Variants in PHLPP1 observed in about 807,000 individuals in gnomAD.
The protein encoded by PHLPP1 is PH domain leucine-rich repeat-containing protein phosphatase 1.
A neutral mutation model predicts 117.2 loss-of-function variants in PHLPP1; 42 were observed. The observed-to-expected ratio is 0.36, with a 90% CI of 0.28 to 0.46. PHLPP1 has a LOEUF of 0.46. Among genes scored for constraint, PHLPP1 ranks in the 20% least tolerant of loss-of-function variants. The pLI, the probability that PHLPP1 is intolerant of heterozygous loss-of-function variation, is 1.00. For missense variants in PHLPP1, 2,084 were observed against 2,241.9 expected (o/e 0.93, Z 1.42); for synonymous variants, 1,042 against 970.7 (o/e 1.07, Z -1.37).
intron 1 of PHLPP1, among the ~76,000 whole-genome samples, chr18:62,800,161 C>A (rs572610655): frequency 6.6e-6 from 1 of 152,198 alleles, no homozygotes; most frequent in African/African-American, 2.4e-5. Context: ...GAATAGATAC[C>A]CTTGACCACA....
At chr18:62,861,296 GT>G (rs771539543) in intron 4 of PHLPP1, among the ~76,000 whole-genome samples, 4 of 152,122 alleles carry the variant, frequency 2.6e-5, no homozygotes, top group Non-Finnish European at 4.4e-5. Context: ...TAGAGATGGG[GT>G]TTTACCATGT....
intron 12 of PHLPP1, among the ~76,000 whole-genome samples, chr18:62,956,602 A>AT (rs1910616947): frequency 1.3e-5 from 2 of 152,168 alleles, no homozygotes; most frequent in South Asian, 4.1e-4. Context: ...GCTTTTAAAA[A>AT]ATATATATGA....
intron 12 of PHLPP1, among the ~76,000 whole-genome samples, chr18:62,957,161 T>C (rs1910633513): frequency 6.6e-6 from 1 of 152,222 alleles, no homozygotes; most frequent in Middle Eastern, 3.2e-3. Flanking sequence ...TTCTGCATTG[T>C]TGTATCTAGA....
At chr18:62,856,718 G>A (rs1365505786) in intron 3 of PHLPP1, among the ~76,000 whole-genome samples, 3 of 152,190 alleles carry the variant, frequency 2.0e-5, no homozygotes, top group Non-Finnish European at 2.9e-5. Flanking sequence ...ACAGGCATGA[G>A]CCACCATGCC....
chr18:62,947,065 A>G (rs558072822), intron 12 of PHLPP1, among the ~76,000 whole-genome samples: 4 of 152,322 alleles, frequency 2.6e-5, no homozygotes, highest in African/African-American at 9.6e-5. Context: ...AAAACAAACA[A>G]CAACAACAAC....
chr18:62,716,257 C>T lies in PHLPP1; in HGVS notation c.574C>T (p.Arg192Trp), dbSNP rs1406291994. The T allele has an allele frequency of 1.3e-6, 2 of 1,530,600 alleles. No individual in the cohort carries two copies. Among genetic ancestry groups the T allele is most frequent in the South Asian group, 1.2e-5 (1 of 83,198 alleles). The allele number at this position is 1,530,600 out of a possible 1,614,324, so 94.8% of individuals were successfully genotyped here. The change falls in exon 1 of 17, where the codon CGG becomes TGG. Residue 192 changes from arginine (R) to tryptophan (W), a missense_variant. Physicochemically the swap from Arg to Trp is moderately radical, Grantham distance 101. Transcript: ENST00000262719. The surrounding 1 kb of genome is among the most constrained non-coding windows in gnomAD (Gnocchi z 5.7). ...GACGCTGCAGCTGCAGCCGTCGGAC[C>T]GGGACTGGGTGAGGCACCAGCTCCA... is the stretch of plus-strand genomic sequence containing the variant. Reference protein sequence around the residue: ...RQTLQLQPSDRDWVRHQLQRG... With the variant: ...RQTLQLQPSDWDWVRHQLQRG...
chr18:62,913,145 C>G (rs1193327879), intron 8 of PHLPP1, among the ~76,000 whole-genome samples: 1 of 152,152 alleles, frequency 6.6e-6, no homozygotes. Flanking sequence ...CCCGTGCTGT[C>G]ACCTATCACA....
At position 62,979,285 on chromosome 18, in the gene PHLPP1, C is replaced by T. The variant is rs1911305369; in HGVS notation, c.5008C>T (p.Leu1670=). ...PDDQFIIPPE[L]EEEVKEIMKH... is the part of the protein sequence containing the mutation. ...TGATCAGTTTATCATACCCCCGGAG[C>T]TGGAAGAGGAGGTCAAAGAAATCAT... Residue 1670 remains leucine (L), a synonymous_variant, in exon 17 of 17, where the codon CTG becomes TTG. Coordinates refer to ENST00000262719, the MANE Select transcript of PHLPP1 (RefSeq NM_194449.4). 6.4e-7 allele frequency: 1 copy of T among 1,560,152 alleles called. No homozygotes were observed. The highest frequency in any genetic ancestry group is 8.7e-7 in the Non-Finnish European group (1 of 1,151,676).
rs1322336598 is a variant in PHLPP1 at position 62,723,100 on chromosome 18, T to C, written c.1576+5841T>C. Among the ~76,000 whole-genome samples, 3 of 152,344 alleles carry C rather than the reference T, an allele frequency of 2.0e-5. No homozygotes were observed. In the East Asian group the frequency reaches 5.8e-4, roughly 29 times the overall value. ...TTTTTACATTTGAGATTTTTATACATCGTAAAGTGTGTTTAACAATAAAGT... is the reference window on the plus strand; with the variant it reads ...TTTTTACATTTGAGATTTTTATACACCGTAAAGTGTGTTTAACAATAAAGT... On this transcript the variant is annotated intron_variant, in intron 1 of 16. Transcript: ENST00000262719.
intron 1 of PHLPP1, among the ~76,000 whole-genome samples, chr18:62,768,958 G>A (rs1193625190): frequency 6.6e-6 from 1 of 152,190 alleles, no homozygotes; most frequent in African/African-American, 2.4e-5. Context: ...GGGGATGACA[G>A]TCTGTTAGTG....
chr18:62,944,385 G>A (rs936449998), intron 11 of PHLPP1, among the ~76,000 whole-genome samples: 2 of 152,168 alleles, frequency 1.3e-5, no homozygotes, highest in African/African-American at 4.8e-5. Context: ...GAGGAGGATT[G>A]AACAATAAAA....
intron 10 of PHLPP1, among the ~76,000 whole-genome samples, chr18:62,928,252 A>C (rs1422314682): frequency 6.6e-6 from 1 of 152,180 alleles, no homozygotes; most frequent in Non-Finnish European, 1.5e-5. Context: ...CCATCAAGAA[A>C]GTGAACGTGC....
intron 1 of PHLPP1, among the ~76,000 whole-genome samples, chr18:62,733,702 T>C (rs979332141): frequency 6.6e-6 from 1 of 152,202 alleles, no homozygotes; most frequent in African/African-American, 2.4e-5. Context: ...AAAAGTGTTC[T>C]AATGGAGACA....
chr18:62,936,876 G>C (rs1909984512), intron 10 of PHLPP1, among the ~76,000 whole-genome samples: 1 of 152,170 alleles, frequency 6.6e-6, no homozygotes, highest in Non-Finnish European at 1.5e-5. Context: ...AAAGTACTTT[G>C]TTATAAAAAC....
At chr18:62,796,792 T>A (rs1452547039) in intron 1 of PHLPP1, among the ~76,000 whole-genome samples, 2 of 152,152 alleles carry the variant, frequency 1.3e-5, no homozygotes, top group African/African-American at 4.8e-5. Flanking sequence ...ATGAACAAAG[T>A]GCTGTTTTGG....
intron 14 of PHLPP1, among the ~76,000 whole-genome samples, chr18:62,971,723 G>T (rs1431107493): frequency 6.6e-6 from 1 of 152,112 alleles, no homozygotes; most frequent in Non-Finnish European, 1.5e-5. Flanking sequence ...TTGTTTGTTT[G>T]TTTTTCCTGC....
At chr18:62,947,690 A>G (rs1910339303) in intron 12 of PHLPP1, among the ~76,000 whole-genome samples, 1 of 152,172 alleles carries the variant, frequency 6.6e-6, no homozygotes, top group Non-Finnish European at 1.5e-5. Context: ...GTAGATTTAG[A>G]TTCTTGTTTT....
chr18:62,912,854 C>T (rs1163227781), intron 8 of PHLPP1, among the ~76,000 whole-genome samples: 3 of 152,212 alleles, frequency 2.0e-5, no homozygotes, highest in East Asian at 1.9e-4. Flanking sequence ...CTCCTGACCT[C>T]AAGTGATCCA....
chr18:62,857,853 G>A (rs189428776), intron 3 of PHLPP1, among the ~76,000 whole-genome samples: 3 of 152,264 alleles, frequency 2.0e-5, no homozygotes, highest in South Asian at 2.1e-4. Context: ...TAAAAGGCCT[G>A]CCACACACCA....
Sources: allele counts gnomAD v4.1 joint callset (sites outside exome capture counted in the v4.1 genomes callset), GRCh38; gene constraint gnomAD v4.1.1; non-coding constraint Gnocchi (gnomAD v3.1); transcripts MANE v1.5; gene names NCBI Gene and HGNC (gene_info 2026-07-23, HGNC 2026-07-21).